The following PDE4D variants were observed in gnomAD, a reference collection of about 807,000 sequenced individuals.
PDE4D encodes the protein phosphodiesterase 4D, also known as 3',5'-cyclic-AMP phosphodiesterase 4D.
A neutral mutation model predicts 87.4 loss-of-function variants in PDE4D; 24 were observed. The ratio of observed to expected loss-of-function variants is 0.27; its 90% CI spans 0.20 to 0.39. The LOEUF is 0.39. Among genes scored for constraint, PDE4D ranks in the 10% least tolerant of loss-of-function variants. PDE4D has a pLI of 1.00. For synonymous variants in PDE4D, 384 were observed against 383.2 expected (o/e 1.00, Z -0.02); for missense variants, 714 against 1,041.0 (o/e 0.69, Z 4.32).
At chr5:60,070,865 T>C (rs888639853) in intron 2 of PDE4D, among the ~76,000 whole-genome samples, 10 of 152,090 alleles carry the variant, frequency 6.6e-5, no homozygotes, top group African/African-American at 2.4e-4. Context: ...ATACTAGTTA[T>C]AGGTCTGTTC....
chr5:59,561,767 T>A lies in PDE4D; in HGVS notation c.455+331401A>T, dbSNP rs531140344. Among the ~76,000 whole-genome samples, 26 of 151,988 alleles carry A rather than the reference T, an allele frequency of 1.7e-4. No homozygotes were observed. The East Asian group carries it at 5.0e-3, about 29-fold the overall frequency. On this transcript the variant is annotated intron_variant, in intron 1 of 14. Coordinates refer to ENST00000340635, the MANE Select transcript of PDE4D (RefSeq NM_001104631.2). ...CAACATGGCAAAAACCCGTCTCTACTAAAAATTCAAAAAAATTAGCCAGGC... is the reference window on the plus strand; with the variant it reads ...CAACATGGCAAAAACCCGTCTCTACAAAAAATTCAAAAAAATTAGCCAGGC...
intron 5 of PDE4D, among the ~76,000 whole-genome samples, chr5:59,137,525 C>CTTTTTTTTT: frequency 7.2e-6 from 1 of 139,600 alleles, no homozygotes; most frequent in Non-Finnish European, 1.6e-5. Context: ...GGGAAAGTTT[C>CTTTTTTTTT]TTTTTTTTTT....
chr5:60,223,281 AT>A (rs1744703784), intron 1 of PDE4D, among the ~76,000 whole-genome samples: 1 of 152,170 alleles, frequency 6.6e-6, no homozygotes, highest in African/African-American at 2.4e-5. Flanking sequence ...AGTATACCTA[AT>A]TAACAGTATA....
chr5:59,893,696 C>A lies in PDE4D; in HGVS notation c.-74G>T. The A allele has an allele frequency of 7.2e-7, 1 of 1,385,622 alleles. No homozygotes were observed. Among genetic ancestry groups the A allele is most frequent in the Non-Finnish European group, 9.3e-7 (1 of 1,080,998 alleles). The allele number at this position is 1,385,622 out of a possible 1,614,324, so 85.8% of individuals were successfully genotyped here. A position where few individuals can be genotyped will look rare whatever the true frequency, so the allele number is the denominator to read the frequency against. On this transcript the variant is annotated 5_prime_UTR_variant, in exon 1 of 15. Coordinates refer to ENST00000340635, the MANE Select transcript of PDE4D (RefSeq NM_001104631.2). ...TGGCCCGAGCGCCTTCCTGATGCTG[C>A]TGCTGCTGCTGCCGCCGCCGCCGCT...
intron 1 of PDE4D, among the ~76,000 whole-genome samples, chr5:60,299,389 TG>T (rs1753699611): frequency 6.6e-6 from 1 of 152,232 alleles, no homozygotes; most frequent in African/African-American, 2.4e-5. Flanking sequence ...ATCCTTCTTT[TG>T]TTTTTTCCTT....
chr5:60,029,625 C>T (rs1767004229), intron 2 of PDE4D, among the ~76,000 whole-genome samples: 1 of 152,194 alleles, frequency 6.6e-6, no homozygotes, highest in Non-Finnish European at 1.5e-5. Flanking sequence ...GCCATCTTGG[C>T]AAAATAAACT....
chr5:60,072,240 G>C (rs550516956), intron 2 of PDE4D, among the ~76,000 whole-genome samples: 1 of 152,180 alleles, frequency 6.6e-6, no homozygotes, highest in South Asian at 2.1e-4. Context: ...GCATCTCGTG[G>C]TTTTGACTTG....
chr5:59,507,034 T>A (rs1809387046), intron 1 of PDE4D, among the ~76,000 whole-genome samples: 1 of 152,148 alleles, frequency 6.6e-6, no homozygotes, highest in South Asian at 2.1e-4. Context: ...AACAAATATT[T>A]ACCAATAATA....
At chr5:59,439,223 G>A (rs1198669294) in intron 1 of PDE4D, among the ~76,000 whole-genome samples, 1 of 152,078 alleles carries the variant, frequency 6.6e-6, no homozygotes, top group Non-Finnish European at 1.5e-5. Flanking sequence ...GCTGTGCATG[G>A]TGGCACACAC....
intron 1 of PDE4D, among the ~76,000 whole-genome samples, chr5:59,620,795 G>A (rs1201639195): frequency 6.6e-6 from 1 of 152,182 alleles, no homozygotes; most frequent in African/African-American, 2.4e-5. Flanking sequence ...TCAAGGTCAT[G>A]AATTGTAGGG....
chr5:59,807,934 G>A (rs1767926726), intron 1 of PDE4D, among the ~76,000 whole-genome samples: 1 of 152,200 alleles, frequency 6.6e-6, no homozygotes, highest in Non-Finnish European at 1.5e-5. Flanking sequence ...CTGTGGTGGG[G>A]TTGGGAAATC....
chr5:59,470,134 G>T (rs929428988), intron 1 of PDE4D, among the ~76,000 whole-genome samples: 1 of 152,106 alleles, frequency 6.6e-6, no homozygotes, highest in Non-Finnish European at 1.5e-5. Flanking sequence ...ATGCTAGAAG[G>T]TGTGGGTCTG....
chr5:60,074,213 T>C (rs932008036), intron 2 of PDE4D, among the ~76,000 whole-genome samples: 5 of 152,208 alleles, frequency 3.3e-5, no homozygotes, highest in African/African-American at 1.2e-4. Flanking sequence ...CCAGAGATTC[T>C]GGTATATTTT....
At chr5:60,509,652 C>G (rs1730986756) in intron 1 of PDE4D, among the ~76,000 whole-genome samples, 1 of 152,138 alleles carries the variant, frequency 6.6e-6, no homozygotes, top group African/African-American at 2.4e-5. Context: ...TGCTTCTTGG[C>G]TACACTTCTG....
At chr5:60,512,762 G>A (rs1435210702) in intron 1 of PDE4D, among the ~76,000 whole-genome samples, 1 of 152,140 alleles carries the variant, frequency 6.6e-6, no homozygotes, top group Non-Finnish European at 1.5e-5. Context: ...ACGTACTCAA[G>A]GAAGCACTGC....
chr5:59,796,870 A>G (rs887716331), intron 1 of PDE4D, among the ~76,000 whole-genome samples: 1 of 152,176 alleles, frequency 6.6e-6, no homozygotes, highest in Non-Finnish European at 1.5e-5. Context: ...AACCCAAACA[A>G]GTAGAAAGCC....
At chr5:59,762,510 G>A (rs1762195618) in intron 1 of PDE4D, among the ~76,000 whole-genome samples, 1 of 123,144 alleles carries the variant, frequency 8.1e-6, no homozygotes, top group Non-Finnish European at 1.7e-5. Flanking sequence ...GTACACATAT[G>A]TGTATATGTG....
chr5:59,087,126 A>T (rs1342565721), intron 5 of PDE4D, among the ~76,000 whole-genome samples: 1 of 152,206 alleles, frequency 6.6e-6, no homozygotes, highest in Non-Finnish European at 1.5e-5. Context: ...GCATTAGTAA[A>T]TACAAAGCCA....
chr5:60,454,341 C>T lies in PDE4D; in HGVS notation c.-90+33601G>A, dbSNP rs187465629. 3.8e-3 allele frequency among the ~76,000 whole-genome samples: 579 copies of T among 152,280 alleles called. 4 individuals are homozygous for T. Among genetic ancestry groups the T allele is most frequent in the African/African-American group, 0.014 (569 of 41,570 alleles). ...TATAAATCATTCTATTATAAAGATA[C>T]ACGCATGCGTATGTTTATTGCAGCA... On this transcript the variant is annotated intron_variant, in intron 1 of 16. Coordinates refer to the PDE4D transcript ENST00000502484.
Sources: gnomAD v4.1 joint callset for allele counts (sites outside exome capture counted in the v4.1 genomes callset) on GRCh38, gnomAD v4.1.1 for gene constraint, MANE v1.5 for transcripts, NCBI Gene and HGNC (gene_info 2026-07-23, HGNC 2026-07-21) for gene names.